Variants in NDST4 observed in about 807,000 individuals in gnomAD.
NDST4 encodes the protein N-deacetylase and N-sulfotransferase 4.
Under a neutral mutation model 100.8 loss-of-function variants are expected in NDST4, and 63 were observed. The observed-to-expected ratio is 0.62, with a 90% CI of 0.51 to 0.77. The LOEUF (loss-of-function observed/expected upper bound fraction) is 0.77. Among genes scored for constraint, NDST4 ranks in the 30% least tolerant of loss-of-function variants. The probability of loss-of-function intolerance (pLI) is 0.00; values close to 1 mark genes in which losing one functional copy is unlikely to be tolerated. For missense variants in NDST4, 943 were observed against 1,018.4 expected, an observed-to-expected ratio of 0.93 and a Z score of 1.01; for synonymous variants, 377 against 361.8, an observed-to-expected ratio of 1.04 and a Z score of -0.48.
At chr4:114,867,665 C>CAA in intron 7 of NDST4, among the ~76,000 whole-genome samples, 1,382 of 79,792 alleles carry the variant, frequency 0.017, 61 homozygotes, top group African/African-American at 0.048. Flanking sequence ...AAAAAAAAAG[C>CAA]AAAAAAAAAA....
chr4:115,046,577 C>T (rs1415766351), intron 2 of NDST4, among the ~76,000 whole-genome samples: 2 of 151,962 alleles, frequency 1.3e-5, no homozygotes, highest in African/African-American at 4.8e-5. Context: ...AATCATTAAT[C>T]AAGGTACCAT....
rs1208268193 is a variant in NDST4, at chr4:115,076,661, C to G, written c.376G>C (p.Gly126Arg). 1.9e-6 allele frequency: 3 copies of G among 1,613,862 alleles called. No homozygotes were observed. Among genetic ancestry groups the G allele is most frequent in the Non-Finnish European group, 1.7e-6 (2 of 1,179,922 alleles). ...DIPPLTDNGK[G>R]KYTLVIYENI... is the part of the protein sequence containing the mutation. ...TCATAAATAACTAAAGTATATTTCC[C>G]TTTGCCATTATCTGTAAGAGGAGGT... The change falls in exon 2 of 14, where the codon GGG (glycine) becomes CGG (arginine). Residue 126 changes from glycine (G) to arginine (R), a missense_variant. Transcript: ENST00000264363.
chr4:114,973,336 T>C (rs985617388), intron 3 of NDST4, among the ~76,000 whole-genome samples: 1 of 151,744 alleles, frequency 6.6e-6, no homozygotes, highest in Non-Finnish European at 1.5e-5. Context: ...GTGACCAGAT[T>C]AGCACATTTA....
At chr4:115,055,617 G>A (rs1214019527) in intron 2 of NDST4, among the ~76,000 whole-genome samples, 2 of 152,026 alleles carry the variant, frequency 1.3e-5, no homozygotes, top group Non-Finnish European at 2.9e-5. Context: ...AAATAGATTT[G>A]GGGGCCTTTT....
At chr4:115,105,498 T>C (rs949576401) in intron 1 of NDST4, among the ~76,000 whole-genome samples, 5 of 152,178 alleles carry the variant, frequency 3.3e-5, no homozygotes, top group African/African-American at 1.2e-4. Flanking sequence ...CCAGTGGTTA[T>C]TTACTTGAAT....
intron 6 of NDST4, among the ~76,000 whole-genome samples, chr4:114,880,296 T>G (rs1259068628): frequency 6.6e-6 from 1 of 152,152 alleles, no homozygotes; most frequent in Non-Finnish European, 1.5e-5. Flanking sequence ...GCAATTACAT[T>G]TTAGAATACC....
intron 7 of NDST4, among the ~76,000 whole-genome samples, chr4:114,862,291 T>G (rs1723934834): frequency 1.3e-5 from 2 of 152,154 alleles, no homozygotes; most frequent in South Asian, 4.1e-4. Context: ...AGTTAATGAG[T>G]ACACCATCAC....
chr4:114,850,303 CT>C (rs1723645438), intron 8 of NDST4, among the ~76,000 whole-genome samples: 1 of 152,120 alleles, frequency 6.6e-6, no homozygotes, highest in South Asian at 2.1e-4. Context: ...CCGATCTCCC[CT>C]GGCCTACAGA....
At chr4:114,932,655 G>T (rs1578397375) in intron 6 of NDST4, among the ~76,000 whole-genome samples, 2 of 151,942 alleles carry the variant, frequency 1.3e-5, no homozygotes, top group East Asian at 3.9e-4. Context: ...TGAAGTATAT[G>T]AAATCAATGT....
intron 6 of NDST4, among the ~76,000 whole-genome samples, chr4:114,891,583 T>C (rs1386480194): frequency 6.6e-6 from 1 of 152,126 alleles, no homozygotes; most frequent in African/African-American, 2.4e-5. Flanking sequence ...TTATTTGTAT[T>C]TCCATCATTC....
At chr4:114,981,493 G>T (rs975100903) in intron 2 of NDST4, among the ~76,000 whole-genome samples, 1 of 152,002 alleles carries the variant, frequency 6.6e-6, no homozygotes, top group African/African-American at 2.4e-5. Context: ...AATAAACGTC[G>T]AGCAATTATT....
chr4:114,890,979 C>T (rs932035433), intron 6 of NDST4, among the ~76,000 whole-genome samples: 7 of 151,990 alleles, frequency 4.6e-5, no homozygotes, highest in Admixed American at 6.6e-5. Context: ...CTCATTAGTT[C>T]TTTTGTATTT....
At chr4:114,872,935 TCAA>T (rs1334675467) in intron 6 of NDST4, among the ~76,000 whole-genome samples, 2 of 151,870 alleles carry the variant, frequency 1.3e-5, no homozygotes, top group Non-Finnish European at 2.9e-5. Flanking sequence ...TTTGCCCTTT[TCAA>T]CAACAACAAA....
intron 2 of NDST4, among the ~76,000 whole-genome samples, chr4:115,057,281 A>G (rs1181656457): frequency 6.6e-6 from 1 of 152,108 alleles, no homozygotes; most frequent in Non-Finnish European, 1.5e-5. Context: ...CCTTGGTAAC[A>G]GATTATTTCA....
intron 2 of NDST4, among the ~76,000 whole-genome samples, chr4:115,056,607 G>A (rs1310881746): frequency 6.6e-6 from 1 of 152,084 alleles, no homozygotes; most frequent in Non-Finnish European, 1.5e-5. Context: ...TCTACCAAGT[G>A]CATGATAGAA....
intron 2 of NDST4, among the ~76,000 whole-genome samples, chr4:115,061,063 A>T (rs906037708): frequency 2.6e-5 from 4 of 150,958 alleles, no homozygotes; most frequent in Non-Finnish European, 5.9e-5. Flanking sequence ...CAAACATATG[A>T]AAAAAAGCTC....
chr4:114,831,114 G>C (rs1280241169), intron 12 of NDST4, among the ~76,000 whole-genome samples: 1 of 149,732 alleles, frequency 6.7e-6, no homozygotes, highest in African/African-American at 2.5e-5. Flanking sequence ...CTGCAGTGGC[G>C]CAATCTCGGC....
chr4:114,863,856 C>G lies in NDST4; in HGVS notation c.1719+6912G>C, dbSNP rs531733033. ...AGCAATGAACAAGACTTAGAAAGGG[C>G]AGTAAAATCTGATGAAATTATGTTC... On this transcript the variant is annotated intron_variant, in intron 7 of 13. Transcript: ENST00000264363. Among the ~76,000 whole-genome samples the G allele has an allele frequency of 5.9e-5, 9 of 152,296 alleles. No homozygotes were observed. The East Asian group carries it at 1.7e-3, about 29-fold the overall frequency.
chr4:114,937,315 C>G lies in NDST4; in HGVS notation c.1407+3G>C. ...TTCAATATACATGGCTCTCTGTGCT[C>G]ACCATGATGCTATTGTGAATGAAGC... On this transcript the variant is annotated splice_donor_region_variant and intron_variant, in intron 5 of 13. Coordinates refer to ENST00000264363, the MANE Select transcript of NDST4 (RefSeq NM_022569.3). 6.2e-7 allele frequency: 1 copy of G among 1,613,912 alleles called. No homozygotes were observed. Among genetic ancestry groups the G allele is most frequent in the Non-Finnish European group, 8.5e-7 (1 of 1,179,798 alleles).
Sources: gnomAD v4.1 joint callset for allele counts (sites outside exome capture counted in the v4.1 genomes callset) on GRCh38, gnomAD v4.1.1 for gene constraint, MANE v1.5 for transcripts, NCBI Gene and HGNC (gene_info 2026-07-23, HGNC 2026-07-21) for gene names.